GRIK2: variants seen among roughly 807,000 people sequenced by gnomAD.
GRIK2 encodes glutamate ionotropic receptor kainate type subunit 2.
GRIK2 carries 32 observed loss-of-function variants against 100.3 expected under a neutral mutation model. The observed-to-expected ratio is 0.32, with a 90% confidence interval of 0.24 to 0.43. The LOEUF is 0.43. GRIK2 is among the 20% of genes least tolerant of loss of function. The pLI is 1.00. For synonymous variants in GRIK2, 417 were observed against 389.4 expected (o/e 1.07, Z -0.83); for missense variants, 843 against 1,114.9 (o/e 0.76, Z 3.47).
intron 14 of GRIK2, among the ~76,000 whole-genome samples, chr6:101,971,186 TTC>T (rs969438518): frequency 5.3e-5 from 8 of 151,932 alleles, no homozygotes; most frequent in African/African-American, 1.9e-4. Flanking sequence ...TCTGTAAACA[TTC>T]TTTTTTATTT....
intron 14 of GRIK2, among the ~76,000 whole-genome samples, chr6:101,961,777 A>G (rs147421030): frequency 6.6e-6 from 1 of 152,168 alleles, no homozygotes; most frequent in East Asian, 2.0e-4. Flanking sequence ...GGAATCCCAC[A>G]GCTCCCCTTT....
rs1248759527 is a variant in GRIK2, at chr6:101,906,791, T to TCTCAGGTA, written c.1748+16928_1748+16929insCTCAGGTA. ...GTAGTTTCTGCCTCTATTAACCACCTGTTGTCTACCTGAGATTTGATTTAC... is the reference window on the plus strand; with the variant it reads ...GTAGTTTCTGCCTCTATTAACCACCTCTCAGGTAGTTGTCTACCTGAGATTTGATTTAC... On this transcript the variant is annotated intron_variant, in intron 12 of 16. Transcript: ENST00000369134. Among the ~76,000 whole-genome samples the TCTCAGGTA allele has an allele frequency of 1.1e-4, 17 of 151,772 alleles. No individual in the cohort carries two copies. In the Admixed American group the frequency reaches 1.1e-3, roughly 10 times the overall value.
At chr6:101,498,569 G>A (rs1254228533) in intron 2 of GRIK2, among the ~76,000 whole-genome samples, 9 of 150,366 alleles carry the variant, frequency 6.0e-5, no homozygotes, top group South Asian at 4.3e-4. Context: ...TCTAACTGGT[G>A]TGAGATGGTA....
At chr6:101,660,429 G>T (rs1582910858) in intron 4 of GRIK2, among the ~76,000 whole-genome samples, 1 of 152,124 alleles carries the variant, frequency 6.6e-6, no homozygotes, top group East Asian at 1.9e-4. Flanking sequence ...TGCTCCTTTA[G>T]ATCGGAGGAG....
chr6:101,854,605 A>C (rs1784325575), intron 10 of GRIK2, among the ~76,000 whole-genome samples: 1 of 152,134 alleles, frequency 6.6e-6, no homozygotes, highest in Admixed American at 6.6e-5. Flanking sequence ...ATTATTGGGA[A>C]GCTGAAATAA....
chr6:101,963,773 A>G (rs1442632560), intron 14 of GRIK2, among the ~76,000 whole-genome samples: 1 of 152,096 alleles, frequency 6.6e-6, no homozygotes, highest in Non-Finnish European at 1.5e-5. Context: ...ACATCATTAT[A>G]TATGCTGCAA....
chr6:101,430,950 G>A, intron 2 of GRIK2: 1 of 310,104 alleles, frequency 3.2e-6, no homozygotes. Context: ...CTAGGGAAAG[G>A]CATAGCCCTC....
At chr6:101,727,841 T>G (rs747570406) in intron 7 of GRIK2, among the ~76,000 whole-genome samples, 4 of 152,160 alleles carry the variant, frequency 2.6e-5, no homozygotes, top group Admixed American at 6.6e-5. Context: ...CTATATATAA[T>G]TGAGAGTTAT....
At chr6:101,834,419 A>AG (rs1782927878) in intron 10 of GRIK2, among the ~76,000 whole-genome samples, 1 of 138,128 alleles carries the variant, frequency 7.2e-6, no homozygotes. Flanking sequence ...CCAGCCTCTT[A>AG]TGATTTAAGT....
chr6:101,688,025 A>G (rs928334596), intron 7 of GRIK2, among the ~76,000 whole-genome samples: 2 of 148,236 alleles, frequency 1.3e-5, no homozygotes, highest in African/African-American at 4.9e-5. Flanking sequence ...GCTATCCTTT[A>G]AATTGTTGTT....
At chr6:101,892,343 C>T (rs1412909540) in intron 12 of GRIK2, among the ~76,000 whole-genome samples, 1 of 152,054 alleles carries the variant, frequency 6.6e-6, no homozygotes, top group African/African-American at 2.4e-5. Flanking sequence ...AGTACATTTG[C>T]AAATAGAGGC....
At chr6:101,728,097 AT>A (rs1775000435) in intron 7 of GRIK2, among the ~76,000 whole-genome samples, 1 of 152,084 alleles carries the variant, frequency 6.6e-6, no homozygotes, top group Middle Eastern at 3.2e-3. Context: ...ATAATCAAAA[AT>A]ATCTAATTTG....
chr6:101,979,532 T>C (rs1486349123), intron 14 of GRIK2, among the ~76,000 whole-genome samples: 1 of 151,814 alleles, frequency 6.6e-6, no homozygotes, highest in African/African-American at 2.4e-5. Flanking sequence ...AACTTGTGAG[T>C]GTTGGAGTAT....
chr6:101,836,623 A>G (rs62419286), intron 10 of GRIK2, among the ~76,000 whole-genome samples: 95,285 of 133,412 alleles, frequency 0.71, 36,957 homozygotes, highest in Middle Eastern at 0.88. Flanking sequence ...ATATAGTTAT[A>G]TATATATATA....
At chr6:101,792,392 G>T (rs1189497160) in intron 7 of GRIK2, among the ~76,000 whole-genome samples, 1 of 151,972 alleles carries the variant, frequency 6.6e-6, no homozygotes, top group African/African-American at 2.4e-5. Flanking sequence ...AGCTCTTTTA[G>T]AGCAGGCCTG....
At chr6:101,429,956 T>G (rs1003535289) in intron 2 of GRIK2, among the ~76,000 whole-genome samples, 1 of 152,078 alleles carries the variant, frequency 6.6e-6, no homozygotes, top group Non-Finnish European at 1.5e-5. Context: ...GGAAACTGGG[T>G]CCTAACGCTT....
At chr6:101,424,058 TGGG>T (rs1776556653) in intron 2 of GRIK2, among the ~76,000 whole-genome samples, 1 of 152,152 alleles carries the variant, frequency 6.6e-6, no homozygotes, top group Non-Finnish European at 1.5e-5. Flanking sequence ...TATATGTATT[TGGG>T]GGTTGTTACT....
intron 7 of GRIK2, among the ~76,000 whole-genome samples, chr6:101,792,814 G>A (rs1208178402): frequency 6.6e-6 from 1 of 152,064 alleles, no homozygotes; most frequent in Non-Finnish European, 1.5e-5. Flanking sequence ...TTCCAACTTG[G>A]TTCCATTCTC....
chr6:101,632,155 A>T (rs551210154), intron 4 of GRIK2, among the ~76,000 whole-genome samples: 1 of 151,588 alleles, frequency 6.6e-6, no homozygotes, highest in Non-Finnish European at 1.5e-5. Flanking sequence ...TGGGTGTCAC[A>T]AAGAAAGGCT....
Sources: allele counts gnomAD v4.1 joint callset (sites outside exome capture counted in the v4.1 genomes callset), GRCh38; gene constraint gnomAD v4.1.1; transcripts MANE v1.5; gene names NCBI Gene and HGNC (gene_info 2026-07-23, HGNC 2026-07-21).